MACROD2: variants seen among roughly 807,000 people sequenced by gnomAD.
The protein encoded by MACROD2 is mono-ADP ribosylhydrolase 2, also known as ADP-ribose glycohydrolase MACROD2.
A neutral mutation model predicts 70.4 loss-of-function variants in MACROD2; 36 were observed. The ratio of observed to expected loss-of-function variants is 0.51; its 90% CI spans 0.39 to 0.68. MACROD2 has a LOEUF of 0.68. Among genes scored for constraint, MACROD2 ranks in the 30% least tolerant of loss-of-function variants. The probability of loss-of-function intolerance (pLI) is 0.00; values close to 1 mark genes in which losing one functional copy is unlikely to be tolerated. For missense variants in MACROD2, 496 were observed against 538.4 expected, an observed-to-expected ratio of 0.92 and a Z score of 0.78; for synonymous variants, 172 against 178.8, an observed-to-expected ratio of 0.96 and a Z score of 0.30.
At chr20:15,752,664 T>G (rs538163926) in intron 8 of MACROD2, among the ~76,000 whole-genome samples, 1 of 152,298 alleles carries the variant, frequency 6.6e-6, no homozygotes, top group South Asian at 2.1e-4. Context: ...AAATGTCATT[T>G]CTTGTATTAA....
At chr20:15,334,590 T>TA (rs73619844) in intron 6 of MACROD2, among the ~76,000 whole-genome samples, 55 of 150,358 alleles carry the variant, frequency 3.7e-4, no homozygotes, top group Admixed American at 1.2e-3. Context: ...TGATTTTTTT[T>TA]AAAAAAAAAC....
chr20:15,543,458 C>A (rs1028736704), intron 8 of MACROD2, among the ~76,000 whole-genome samples: 2 of 152,180 alleles, frequency 1.3e-5, no homozygotes, highest in African/African-American at 4.8e-5. Context: ...GTGCCACAAC[C>A]ATTGAAAGCT....
rs140581804 is a variant in MACROD2, at chr20:14,023,975, A to G, written c.163+21571A>G. On this transcript the variant is annotated intron_variant, in intron 2 of 17. Coordinates refer to ENST00000684519, the MANE Select transcript of MACROD2 (RefSeq NM_001351661.2). ...GCTTGATGGGGATGGTATTGAATCT[A>G]TAAATTACTTTGGGTAGTATGGCCA... 1.4e-3 allele frequency among the ~76,000 whole-genome samples: 215 copies of G among 152,304 alleles called. 1 individual carries two copies. The highest frequency in any genetic ancestry group is 4.4e-3 in the African/African-American group (181 of 41,568).
chr20:15,094,936 C>A (rs957840381), intron 5 of MACROD2, among the ~76,000 whole-genome samples: 8 of 151,970 alleles, frequency 5.3e-5, no homozygotes, highest in Admixed American at 5.2e-4. Flanking sequence ...GTTTTAGCTT[C>A]TTCCCTGAGT....
At position 15,690,330 on chromosome 20, in the gene MACROD2, A is replaced by T. The variant is rs539351401; in HGVS notation, c.646-172415A>T. On this transcript the variant is annotated intron_variant, in intron 8 of 17. Transcript: ENST00000684519. ...GACAAAAGGAAGGGAAAAATCAAGG[A>T]TGATTCTTAGGAATTTGATTTAGGA... Among the ~76,000 whole-genome samples, 3 of 152,310 alleles carry T rather than the reference A, an allele frequency of 2.0e-5. No homozygotes were observed. The East Asian group carries it at 5.8e-4, about 29-fold the overall frequency.
chr20:15,162,494 A>G (rs965630961), intron 5 of MACROD2, among the ~76,000 whole-genome samples: 3 of 152,122 alleles, frequency 2.0e-5, no homozygotes, highest in Non-Finnish European at 4.4e-5. Context: ...GTCCATGACT[A>G]CTACAAATGG....
At chr20:15,136,442 A>T (rs2076148624) in intron 5 of MACROD2, among the ~76,000 whole-genome samples, 1 of 152,214 alleles carries the variant, frequency 6.6e-6, no homozygotes, top group South Asian at 2.1e-4. Context: ...GACAAACCTG[A>T]GAAAAACGAG....
intron 9 of MACROD2, among the ~76,000 whole-genome samples, chr20:15,874,660 GA>G (rs2147188143): frequency 6.6e-6 from 1 of 152,220 alleles, no homozygotes; most frequent in African/African-American, 2.4e-5. Context: ...TTTCTCTGAT[GA>G]CCAGCAATGA....
chr20:14,797,316 C>T (rs971783445), intron 5 of MACROD2, among the ~76,000 whole-genome samples: 4 of 152,000 alleles, frequency 2.6e-5, no homozygotes, highest in East Asian at 1.9e-4. Flanking sequence ...CTTCAATGAC[C>T]GGCCATTGCC....
At chr20:14,274,345 G>A (rs1315530470) in intron 3 of MACROD2, among the ~76,000 whole-genome samples, 4 of 152,110 alleles carry the variant, frequency 2.6e-5, no homozygotes, top group African/African-American at 7.2e-5. Flanking sequence ...TTCGATATAC[G>A]CAAATCAATA....
At chr20:15,291,252 A>G (rs933797372) in intron 6 of MACROD2, among the ~76,000 whole-genome samples, 2 of 152,228 alleles carry the variant, frequency 1.3e-5, no homozygotes, top group African/African-American at 2.4e-5. Context: ...CATCTATGCC[A>G]TCACTGGGGG....
At chr20:15,791,399 T>G (rs183392996) in intron 8 of MACROD2, among the ~76,000 whole-genome samples, 7 of 151,880 alleles carry the variant, frequency 4.6e-5, no homozygotes, top group Admixed American at 4.6e-4. Flanking sequence ...AAAAAAACCA[T>G]GTGTCACTAT....
intron 5 of MACROD2, among the ~76,000 whole-genome samples, chr20:14,784,010 C>G (rs1241388394): frequency 6.6e-6 from 1 of 152,062 alleles, no homozygotes; most frequent in South Asian, 2.1e-4. Flanking sequence ...AAATAAAATG[C>G]AGGTACTAGC....
chr20:15,408,617 G>A (rs2046036290), intron 6 of MACROD2, among the ~76,000 whole-genome samples: 1 of 152,184 alleles, frequency 6.6e-6, no homozygotes, highest in Non-Finnish European at 1.5e-5. Flanking sequence ...TTCAGCCGCT[G>A]AGATCAGTGG....
intron 6 of MACROD2, among the ~76,000 whole-genome samples, chr20:15,309,972 A>G (rs1420382413): frequency 6.6e-6 from 1 of 152,228 alleles, no homozygotes; most frequent in African/African-American, 2.4e-5. Flanking sequence ...TACTCAAAGC[A>G]GTAAGGATAG....
chr20:14,841,764 A>C (rs1410483931), intron 5 of MACROD2, among the ~76,000 whole-genome samples: 1 of 152,094 alleles, frequency 6.6e-6, no homozygotes, highest in Non-Finnish European at 1.5e-5. Flanking sequence ...TAAGGTGGTA[A>C]TGCACCACGA....
chr20:14,215,337 TACACAC>T (rs199684417), intron 3 of MACROD2, among the ~76,000 whole-genome samples: 265 of 131,090 alleles, frequency 2.0e-3, no homozygotes, highest in Middle Eastern at 4.0e-3. Context: ...CCATCATATA[TACACAC>T]ACACACACAC....
At chr20:16,009,164 C>G (rs1023217679) in intron 15 of MACROD2, among the ~76,000 whole-genome samples, 1 of 151,958 alleles carries the variant, frequency 6.6e-6, no homozygotes, top group Non-Finnish European at 1.5e-5. Context: ...AACCTGCTAA[C>G]TTAGGGAAGA....
intron 8 of MACROD2, among the ~76,000 whole-genome samples, chr20:15,679,106 A>G (rs780237904): frequency 3.3e-5 from 5 of 152,020 alleles, no homozygotes; most frequent in Non-Finnish European, 5.9e-5. Context: ...GTGTAGTGGC[A>G]CATGTCTATA....
Sources: allele counts gnomAD v4.1 joint callset (sites outside exome capture counted in the v4.1 genomes callset), GRCh38; gene constraint gnomAD v4.1.1; transcripts MANE v1.5; gene names NCBI Gene and HGNC (gene_info 2026-07-23, HGNC 2026-07-21).